The following STON2 variants were observed in gnomAD, a reference collection of about 807,000 sequenced individuals.
The protein encoded by STON2 is stonin-2.
A neutral mutation model predicts 65.7 loss-of-function variants in STON2; 29 were observed. That is an observed-to-expected ratio of 0.44 (90% confidence interval 0.33 to 0.60). The LOEUF (loss-of-function observed/expected upper bound fraction) is 0.60, where lower values mean the gene tolerates loss of function less well. Ranked by LOEUF, STON2 falls within the 20% of genes least tolerant of loss-of-function variation. The pLI is 0.03. For synonymous variants in STON2, 404 were observed against 414.2 expected, an observed-to-expected ratio of 0.98 and a Z score of 0.30; for missense variants, 1,054 against 1,118.1, an observed-to-expected ratio of 0.94 and a Z score of 0.82.
intron 5 of STON2, among the ~76,000 whole-genome samples, chr14:81,287,037 A>AGG (rs1895359327): frequency 6.6e-6 from 1 of 152,218 alleles, no homozygotes; most frequent in African/African-American, 2.4e-5. Context: ...AAATAAGTTA[A>AGG]TTAATTAAGG....
chr14:81,392,260 G>A (rs1319201112), intron 3 of STON2, among the ~76,000 whole-genome samples: 1 of 152,118 alleles, frequency 6.6e-6, no homozygotes, highest in African/African-American at 2.4e-5. Context: ...CACTGGGGTG[G>A]AGCTGCGGAA....
chr14:81,340,589 G>A (rs1383982170), intron 4 of STON2, among the ~76,000 whole-genome samples: 1 of 152,178 alleles, frequency 6.6e-6, no homozygotes, highest in African/African-American at 2.4e-5. Context: ...ACATTTTCCA[G>A]CCCCGCTGGC....
rs568263680 is a variant in STON2, at chr14:81,305,356, T to C, written c.742+18661A>G. ...GTATATGTGTTCTGGTTGTTCTACA[T>C]TTTTACCAACACTGGATACTGCCTG... On this transcript the variant is annotated intron_variant, in intron 5 of 7. Coordinates refer to ENST00000614646, the MANE Select transcript of STON2 (RefSeq NM_001394390.1). 1.3e-5 allele frequency among the ~76,000 whole-genome samples: 2 copies of C among 152,312 alleles called. 1 individual carries two copies. Among genetic ancestry groups the C allele is most frequent in the African/African-American group, 4.8e-5 (2 of 41,578 alleles).
At position 81,277,351 on chromosome 14, in the gene STON2, C is replaced by T. The variant is rs897012945; in HGVS notation, c.2131G>A (p.Asp711Asn). Residue 711 changes from aspartate (D) to asparagine (N), a missense_variant, in exon 6 of 8, where the codon GAT becomes AAT. Transcript: ENST00000614646. The part of the protein sequence containing the change: ...ECRFHGCVDE[D>N]VFHNSRVILF... Reference sequence around the variant, plus strand: ...ATGACCCGTGAGTTGTGGAAAACATCCTCATCCACACACCCATGGAAACGG... The same window carrying T: ...ATGACCCGTGAGTTGTGGAAAACATTCTCATCCACACACCCATGGAAACGG... The T allele has an allele frequency of 3.1e-6, 5 of 1,614,072 alleles. No homozygotes were observed. The highest frequency in any genetic ancestry group is 3.3e-5 in the Admixed American group (2 of 60,006).
At position 81,263,431 on chromosome 14, in the gene STON2, G is replaced by A. The variant is rs560776020; in HGVS notation, c.*4983C>T. On this transcript the variant is annotated 3_prime_UTR_variant, in exon 8 of 8. Transcript: ENST00000614646. ...CACATGCCTGTAGTCCCAGCTACTC[G>A]GGAGGTTGAGGCAGGAGAATCACTT... 1.3e-5 allele frequency among the ~76,000 whole-genome samples: 2 copies of A among 151,276 alleles called. No individual in the cohort carries two copies. The highest frequency in any genetic ancestry group is 6.6e-5 in the Admixed American group (1 of 15,166).
intron 2 of STON2, among the ~76,000 whole-genome samples, chr14:81,414,583 A>G (rs1595461231): frequency 6.6e-6 from 1 of 151,958 alleles, no homozygotes; most frequent in African/African-American, 2.4e-5. Context: ...GAAACACAAA[A>G]GTTTGAAATG....
intron 4 of STON2, among the ~76,000 whole-genome samples, chr14:81,360,792 A>G (rs929436595): frequency 1.3e-5 from 2 of 152,144 alleles, no homozygotes; most frequent in Admixed American, 6.6e-5. Context: ...CCACCAATAA[A>G]CTGTTATAAC....
intron 5 of STON2, among the ~76,000 whole-genome samples, chr14:81,309,767 G>A (rs1324235778): frequency 6.6e-6 from 1 of 152,188 alleles, no homozygotes; most frequent in Non-Finnish European, 1.5e-5. Flanking sequence ...CCAAATAATA[G>A]GCAGGCATGT....
intron 4 of STON2, chr14:81,333,060 C>T: frequency 1.4e-6 from 1 of 691,084 alleles, no homozygotes; most frequent in Non-Finnish European, 2.5e-6. Context: ...AGTTCTTTTT[C>T]TTCTCATACA....
intron 4 of STON2, among the ~76,000 whole-genome samples, chr14:81,360,397 T>C (rs1270290116): frequency 6.6e-6 from 1 of 152,304 alleles, no homozygotes; most frequent in Middle Eastern, 3.4e-3. Flanking sequence ...ATATATGTGA[T>C]AATCACATTA....
intron 5 of STON2, among the ~76,000 whole-genome samples, chr14:81,294,804 A>C (rs1449828984): frequency 6.6e-6 from 1 of 152,190 alleles, no homozygotes; most frequent in South Asian, 2.1e-4. Flanking sequence ...CCTCATGGGA[A>C]CATGAAATAA....
intron 3 of STON2, among the ~76,000 whole-genome samples, chr14:81,376,822 A>G (rs978443926): frequency 2.0e-5 from 3 of 152,214 alleles, no homozygotes; most frequent in African/African-American, 7.2e-5. Context: ...TATCCAATTT[A>G]TACAAGGTTG....
intron 5 of STON2, among the ~76,000 whole-genome samples, chr14:81,315,762 T>TTTATAATAGA (rs1463993027): frequency 2.0e-5 from 3 of 152,192 alleles, no homozygotes; most frequent in Non-Finnish European, 4.4e-5. Flanking sequence ...TTATGCTGGC[T>TTTATAATAGA]CCCAGGTTTT....
intron 5 of STON2, among the ~76,000 whole-genome samples, chr14:81,319,794 C>T (rs1896756827): frequency 6.6e-6 from 1 of 152,152 alleles, no homozygotes; most frequent in African/African-American, 2.4e-5. Context: ...GTAATGCTGA[C>T]AATCACAAGA....
chr14:81,306,044 A>G (rs1034655870), intron 5 of STON2, among the ~76,000 whole-genome samples: 1 of 151,546 alleles, frequency 6.6e-6, no homozygotes, highest in African/African-American at 2.4e-5. Context: ...CTGCTTGATT[A>G]TTTAACTTCC....
intron 1 of STON2, among the ~76,000 whole-genome samples, chr14:81,434,850 G>A (rs1902352334): frequency 6.6e-6 from 1 of 152,100 alleles, no homozygotes. Flanking sequence ...AATTAAACCA[G>A]ACCACCCAGG....
intron 4 of STON2, among the ~76,000 whole-genome samples, chr14:81,351,454 C>T (rs1209412125): frequency 6.6e-6 from 1 of 152,048 alleles, no homozygotes; most frequent in Non-Finnish European, 1.5e-5. Context: ...AGAGAACCTG[C>T]TTGGGATAGC....
intron 2 of STON2, 95 bp downstream of exon 2, chr14:81,398,200 A>C: frequency 1.2e-6 from 1 of 836,446 alleles, no homozygotes; most frequent in Non-Finnish European, 1.8e-6. Flanking sequence ...TTCTATATTA[A>C]GATCCCACCC....
chr14:81,312,836 T>C (rs1302722664), intron 5 of STON2, among the ~76,000 whole-genome samples: 1 of 152,248 alleles, frequency 6.6e-6, no homozygotes, highest in Non-Finnish European at 1.5e-5. Context: ...TCAGACCACT[T>C]TTTGTATGCA....
Sources: gnomAD v4.1 joint callset for allele counts (sites outside exome capture counted in the v4.1 genomes callset) on GRCh38, gnomAD v4.1.1 for gene constraint, MANE v1.5 for transcripts, NCBI Gene and HGNC (gene_info 2026-07-23, HGNC 2026-07-21) for gene names.